FOXN3: variants seen among roughly 807,000 people sequenced by gnomAD.
FOXN3 encodes the protein forkhead box protein N3.
In FOXN3, 7 loss-of-function variants were observed where a neutral mutation model predicts 38.4. The observed-to-expected ratio is 0.18, with a 90% confidence interval of 0.10 to 0.34. FOXN3 has a LOEUF of 0.34. Ranked by LOEUF, FOXN3 falls within the 10% of genes least tolerant of loss-of-function variation. The pLI is 1.00. For missense variants in FOXN3, 456 were observed against 613.4 expected, an observed-to-expected ratio of 0.74 and a Z score of 2.71; for synonymous variants, 230 against 242.2, an observed-to-expected ratio of 0.95 and a Z score of 0.47.
At chr14:89,186,125 G>A (rs1419006295) in intron 4 of FOXN3, among the ~76,000 whole-genome samples, 2 of 152,120 alleles carry the variant, frequency 1.3e-5, no homozygotes, top group Admixed American at 6.5e-5. Context: ...AGGTGATTCC[G>A]CTAATCCTTC....
chr14:89,584,627 A>C (rs1895809123), intron 1 of FOXN3, among the ~76,000 whole-genome samples: 1 of 152,200 alleles, frequency 6.6e-6, no homozygotes. Flanking sequence ...AAGATTTATA[A>C]TATGAATATA....
intron 1 of FOXN3, among the ~76,000 whole-genome samples, chr14:89,590,367 A>G (rs1029225696): frequency 1.3e-5 from 2 of 152,156 alleles, no homozygotes; most frequent in Non-Finnish European, 2.9e-5. Context: ...TTTCTGGAAG[A>G]CTGAGGGTAT....
intron 5 of FOXN3, among the ~76,000 whole-genome samples, chr14:89,179,660 C>T (rs1350283470): frequency 6.6e-6 from 1 of 152,164 alleles, no homozygotes; most frequent in Non-Finnish European, 1.5e-5. Context: ...CACAGAGAAA[C>T]TGCTACCATA....
At position 89,333,966 on chromosome 14, in the gene FOXN3, GTATATATATATATATATATATATA is replaced by G. The variant is rs71130055; in HGVS notation, c.680+16682_680+16705del. On this transcript the variant is annotated intron_variant, in intron 3 of 5. Coordinates refer to ENST00000557258, the MANE Select transcript of FOXN3 (RefSeq NM_005197.4). The stretch of plus-strand genomic sequence containing the variant: ...TAAATTAATGAAGAAAATGTGGTGT[GTATATATATATATATATATATATA>G]TATATATATATATATATATGTATAT... Among the ~76,000 whole-genome samples, 7 of 131,580 alleles carry G rather than the reference GTATATATATATATATATATATATA, an allele frequency of 5.3e-5. 1 individual carries two copies. Among genetic ancestry groups the G allele is most frequent in the Admixed American group, 7.7e-5 (1 of 13,012 alleles). 86.3% of individuals were successfully genotyped at this position (131,580 alleles called of 152,430 possible). A position where few individuals can be genotyped will look rare whatever the true frequency, so the allele number is the denominator to read the frequency against.
At chr14:89,347,878 C>A (rs1020149560) in intron 3 of FOXN3, among the ~76,000 whole-genome samples, 2 of 152,046 alleles carry the variant, frequency 1.3e-5, no homozygotes, top group South Asian at 2.1e-4. Context: ...CCCTTGAACC[C>A]AGGAGGCGGA....
chr14:89,363,947 A>AATATATATATATATATATATAT (rs67802765), intron 2 of FOXN3, among the ~76,000 whole-genome samples: 87 of 111,294 alleles, frequency 7.8e-4, no homozygotes, highest in Non-Finnish European at 1.1e-3. Context: ...CTGTCTGTAA[A>AATATATATATATATATATATAT]ATATATATAT....
chr14:89,203,420 T>G (rs1888284726), intron 4 of FOXN3, among the ~76,000 whole-genome samples: 1 of 152,214 alleles, frequency 6.6e-6, no homozygotes. Flanking sequence ...GGCCCAGATC[T>G]GTTCTCCCTC....
chr14:89,334,230 G>C (rs1237506612), intron 3 of FOXN3, among the ~76,000 whole-genome samples: 2 of 152,048 alleles, frequency 1.3e-5, no homozygotes, highest in East Asian at 3.9e-4. Flanking sequence ...ATAGAAGGGT[G>C]GTTACCAGGG....
intron 2 of FOXN3, chr14:89,355,003 A>C (rs72701687): frequency 6.6e-6 from 1 of 151,788 alleles, no homozygotes; most frequent in Non-Finnish European, 1.5e-5. Context: ...TATATACACT[A>C]ACACCCCCAG....
At chr14:89,282,352 A>G (rs1886490007) in intron 3 of FOXN3, among the ~76,000 whole-genome samples, 1 of 152,226 alleles carries the variant, frequency 6.6e-6, no homozygotes. Context: ...TATTTCCCAC[A>G]GCCCTGATTC....
chr14:89,553,905 TAACA>T (rs1051635339), intron 1 of FOXN3, among the ~76,000 whole-genome samples: 9 of 152,048 alleles, frequency 5.9e-5, no homozygotes, highest in Middle Eastern at 3.2e-3. Context: ...AGCTTTACCC[TAACA>T]AACAAGAAGG....
chr14:89,498,866 T>A (rs1178801888), intron 1 of FOXN3, among the ~76,000 whole-genome samples: 1 of 152,094 alleles, frequency 6.6e-6, no homozygotes, highest in Non-Finnish European at 1.5e-5. Flanking sequence ...ATGCTCCAAC[T>A]CACAAGTCAA....
intron 3 of FOXN3, among the ~76,000 whole-genome samples, chr14:89,306,846 T>C (rs990785257): frequency 2.0e-5 from 3 of 152,222 alleles, no homozygotes; most frequent in Admixed American, 2.0e-4. Flanking sequence ...AAGAAGAATA[T>C]TATTTCTTGA....
chr14:89,462,856 T>C (rs2139730581), intron 1 of FOXN3, among the ~76,000 whole-genome samples: 1 of 151,536 alleles, frequency 6.6e-6, no homozygotes, highest in Non-Finnish European at 1.5e-5. Flanking sequence ...AGCTAATTTT[T>C]TGCATTTTTA....
At chr14:89,216,934 G>T (rs1884302127) in intron 4 of FOXN3, among the ~76,000 whole-genome samples, 1 of 152,124 alleles carries the variant, frequency 6.6e-6, no homozygotes, top group South Asian at 2.1e-4. Context: ...TGAGGGCAAG[G>T]AGTGTGGAAA....
chr14:89,567,890 T>G (rs1895395649), intron 1 of FOXN3, among the ~76,000 whole-genome samples: 1 of 151,934 alleles, frequency 6.6e-6, no homozygotes, highest in Non-Finnish European at 1.5e-5. Context: ...GCCTGGCTAA[T>G]TTTTTGTACA....
intron 4 of FOXN3, among the ~76,000 whole-genome samples, chr14:89,237,716 C>T (rs968763368): frequency 2.0e-5 from 3 of 152,288 alleles, no homozygotes; most frequent in Non-Finnish European, 4.4e-5. Flanking sequence ...TTTTTCTTCT[C>T]ACATTGAGAA....
intron 5 of FOXN3, among the ~76,000 whole-genome samples, chr14:89,169,758 C>T (rs1054113374): frequency 6.6e-6 from 1 of 151,962 alleles, no homozygotes; most frequent in African/African-American, 2.4e-5. Context: ...GAATGGGTAA[C>T]TTCCAAACCA....
chr14:89,538,710 GT>G (rs1005608361), intron 1 of FOXN3, among the ~76,000 whole-genome samples: 1 of 151,512 alleles, frequency 6.6e-6, no homozygotes, highest in African/African-American at 2.4e-5. Context: ...TAGAGACGGG[GT>G]TTCTCCATGT....
Sources: gnomAD v4.1 joint callset for allele counts (sites outside exome capture counted in the v4.1 genomes callset) on GRCh38, gnomAD v4.1.1 for gene constraint, MANE v1.5 for transcripts, NCBI Gene and HGNC (gene_info 2026-07-23, HGNC 2026-07-21) for gene names.